The following KCNK13 variants were observed in gnomAD, a reference collection of about 807,000 sequenced individuals.
KCNK13 encodes the protein potassium channel subfamily K member 13.
KCNK13 carries 12 observed loss-of-function variants against 23.4 expected under a neutral mutation model. That is an observed-to-expected ratio of 0.51 (90% CI 0.33 to 0.83). The LOEUF is 0.83. KCNK13 is among the 40% of genes least tolerant of loss of function. KCNK13 has a pLI of 0.02. For missense variants in KCNK13, 463 were observed against 556.3 expected, an observed-to-expected ratio of 0.83 and a Z score of 1.69; for synonymous variants, 231 against 229.5, an observed-to-expected ratio of 1.01 and a Z score of -0.06.
chr14:90,157,738 G>T, intron 1 of KCNK13, among the ~76,000 whole-genome samples: 1 of 115,768 alleles, frequency 8.6e-6, no homozygotes, highest in Non-Finnish European at 1.7e-5. Context: ...GTCTTGCTCT[G>T]TCACCCAGGC....
At chr14:90,175,910 C>A (rs1280671164) in intron 1 of KCNK13, among the ~76,000 whole-genome samples, 1 of 152,118 alleles carries the variant, frequency 6.6e-6, no homozygotes, top group Non-Finnish European at 1.5e-5. Flanking sequence ...TGAGTGGTCA[C>A]CCTTCTTACG....
chr14:90,141,797 G>GGGT lies in KCNK13; in HGVS notation c.335-42312_335-42311insTGG, dbSNP rs767181490. Among the ~76,000 whole-genome samples the GGGT allele has an allele frequency of 8.6e-3, 1,260 of 145,742 alleles. 41 individuals carry two copies. Among genetic ancestry groups the GGGT allele is most frequent in the Middle Eastern group, 0.024 (6 of 254 alleles). On this transcript the variant is annotated intron_variant, in intron 1 of 1. Coordinates refer to ENST00000282146, the MANE Select transcript of KCNK13 (RefSeq NM_022054.4). ...GTTTTTGTTTTGTTTTGTTTTTTGG[G>GGGT]GGGGGGGACGGAGCCTTGCTCTGTC...
chr14:90,093,688 T>A (rs1889375397), intron 1 of KCNK13, among the ~76,000 whole-genome samples: 1 of 152,140 alleles, frequency 6.6e-6, no homozygotes, highest in Non-Finnish European at 1.5e-5. Context: ...ATTCTCTGTC[T>A]CCCATTCACT....
intron 1 of KCNK13, among the ~76,000 whole-genome samples, chr14:90,163,171 TTGAA>T (rs892517789): frequency 1.3e-5 from 2 of 152,198 alleles, no homozygotes; most frequent in African/African-American, 4.8e-5. Flanking sequence ...CTAATGTTTG[TTGAA>T]TGAATAAGTG....
chr14:90,130,169 T>C (rs532453713), intron 1 of KCNK13, among the ~76,000 whole-genome samples: 2 of 140,342 alleles, frequency 1.4e-5, no homozygotes, highest in East Asian at 2.2e-4. Flanking sequence ...TGGAAGAAGA[T>C]GGAGAAGGAC....
chr14:90,090,272 G>A (rs1420897146), intron 1 of KCNK13, among the ~76,000 whole-genome samples: 1 of 152,232 alleles, frequency 6.6e-6, no homozygotes, highest in Non-Finnish European at 1.5e-5. Flanking sequence ...TCTTGCATCA[G>A]CATGACCTGG....
chr14:90,183,467 G>C (rs1274203732), intron 1 of KCNK13, among the ~76,000 whole-genome samples: 1 of 152,016 alleles, frequency 6.6e-6, no homozygotes, highest in African/African-American at 2.4e-5. Context: ...TTTAGCTTTT[G>C]GGTCTCCCTG....
Position 90,185,175 on chromosome 14 carries a change from A to G in KCNK13, c.*172A>G. 1.8e-6 allele frequency: 1 copy of G among 554,544 alleles called. No individual in the cohort carries two copies. The highest frequency in any genetic ancestry group is 3.3e-5 in the South Asian group (1 of 30,552). 34.4% of individuals were successfully genotyped at this position (554,544 alleles called of 1,614,324 possible). On this transcript the variant is annotated 3_prime_UTR_variant, in exon 2 of 2. Coordinates refer to ENST00000282146, the MANE Select transcript of KCNK13 (RefSeq NM_022054.4). ...CGGCTCCAACCAACAGCCACCTTCC[A>G]GGGATGGGGGGCCTGAAGCCTCGAT... is the stretch of plus-strand genomic sequence containing the variant.
At chr14:90,089,507 G>T (rs1889318129) in intron 1 of KCNK13, among the ~76,000 whole-genome samples, 1 of 152,204 alleles carries the variant, frequency 6.6e-6, no homozygotes, top group Non-Finnish European at 1.5e-5. Context: ...AGAGCATAAA[G>T]TTTGGAAAAT....
intron 1 of KCNK13, among the ~76,000 whole-genome samples, chr14:90,151,544 T>C (rs1366786333): frequency 1.3e-5 from 2 of 152,226 alleles, no homozygotes; most frequent in Non-Finnish European, 2.9e-5. Flanking sequence ...CCATATCAGA[T>C]GTATGGAATA....
chr14:90,100,918 T>C (rs1889468753), intron 1 of KCNK13, among the ~76,000 whole-genome samples: 1 of 152,000 alleles, frequency 6.6e-6, no homozygotes, highest in Admixed American at 6.6e-5. Context: ...GGTCTTGAAC[T>C]CTAGGGCTCA....
intron 1 of KCNK13, among the ~76,000 whole-genome samples, chr14:90,126,763 G>A (rs955764559): frequency 6.6e-6 from 1 of 151,978 alleles, no homozygotes; most frequent in East Asian, 1.9e-4. Flanking sequence ...GGCTGGTCTC[G>A]AACTCCTGAC....
chr14:90,144,270 T>C (rs1484524352), intron 1 of KCNK13, among the ~76,000 whole-genome samples: 1 of 152,210 alleles, frequency 6.6e-6, no homozygotes, highest in Non-Finnish European at 1.5e-5. Flanking sequence ...CTTGTACATC[T>C]TTTGTCAAAT....
chr14:90,103,285 CT>C (rs1889503419), intron 1 of KCNK13, among the ~76,000 whole-genome samples: 1 of 152,152 alleles, frequency 6.6e-6, no homozygotes, highest in Admixed American at 6.5e-5. Context: ...ATCTGTTTTC[CT>C]TTGATATATA....
chr14:90,083,960 A>C (rs1889242284), intron 1 of KCNK13, among the ~76,000 whole-genome samples: 1 of 152,194 alleles, frequency 6.6e-6, no homozygotes, highest in African/African-American at 2.4e-5. Context: ...TTGTTTTAGC[A>C]CACTTGACAA....
chr14:90,137,961 A>G (rs886263767), intron 1 of KCNK13, among the ~76,000 whole-genome samples: 6 of 152,114 alleles, frequency 3.9e-5, no homozygotes, highest in African/African-American at 1.4e-4. Flanking sequence ...GCTGTTATCT[A>G]TGGTGGAGTA....
chr14:90,105,610 C>G (rs1279976463), intron 1 of KCNK13, among the ~76,000 whole-genome samples: 6 of 151,730 alleles, frequency 4.0e-5, no homozygotes, highest in Admixed American at 3.9e-4. Context: ...AGCTTTGAGT[C>G]TTTAACTACA....
chr14:90,098,100 A>G (rs2140404644), intron 1 of KCNK13, among the ~76,000 whole-genome samples: 1 of 152,222 alleles, frequency 6.6e-6, no homozygotes, highest in South Asian at 2.1e-4. Flanking sequence ...GTCTGTCTAT[A>G]TGCTCCATGT....
At chr14:90,124,421 G>C (rs559370045) in intron 1 of KCNK13, among the ~76,000 whole-genome samples, 1 of 152,326 alleles carries the variant, frequency 6.6e-6, no homozygotes, top group South Asian at 2.1e-4. Flanking sequence ...TCCTAGCAGA[G>C]GTCGGAGAAA....
Sources: gnomAD v4.1 joint callset for allele counts (sites outside exome capture counted in the v4.1 genomes callset) on GRCh38, gnomAD v4.1.1 for gene constraint, MANE v1.5 for transcripts, NCBI Gene and HGNC (gene_info 2026-07-23, HGNC 2026-07-21) for gene names.